Variants in SLC12A9 observed in about 807,000 individuals in gnomAD.
The protein encoded by SLC12A9 is solute carrier family 12 member 9, also known as CCC-interacting protein 1.
Under a neutral mutation model 66.0 loss-of-function variants are expected in SLC12A9, and 55 were observed. The observed-to-expected ratio is 0.83, with a 90% CI of 0.67 to 1.04. The LOEUF is 1.04. Ranked by LOEUF, SLC12A9 falls within the 50% of genes least tolerant of loss-of-function variation. The pLI is 0.00. For missense variants in SLC12A9, 1,061 were observed against 1,241.9 expected (o/e 0.85, Z 2.19); for synonymous variants, 577 against 569.0 (o/e 1.01, Z -0.20).
rs755173907 is a variant in SLC12A9 at position 100,856,991 on chromosome 7, G to A, written c.572G>A (p.Arg191Gln). 7 of 1,613,958 alleles carry A rather than the reference G, an allele frequency of 4.3e-6. No individual in the cohort carries two copies. Among genetic ancestry groups the A allele is most frequent in the Non-Finnish European group, 5.9e-6 (7 of 1,180,040 alleles). ...VCTLGAGLYA[R>Q]ASFLTFLLVS... Reference sequence around the variant, plus strand: ...ACCCTGGGAGCCGGCCTCTATGCCCGGGCCTCATTCCTCACATTCCTGCTG... The same window carrying A: ...ACCCTGGGAGCCGGCCTCTATGCCCAGGCCTCATTCCTCACATTCCTGCTG... The change falls in exon 5 of 14, where the codon CGG (arginine) becomes CAG (glutamine). Residue 191 changes from arginine (R) to glutamine (Q), a missense_variant. Physicochemically the swap from Arg to Gln is conservative, Grantham distance 43. Transcript: ENST00000354161.
chr7:100,837,111 A>C (rs1408598289), intron 1 of SLC12A9, among the ~76,000 whole-genome samples: 1 of 151,986 alleles, frequency 6.6e-6, no homozygotes, highest in Non-Finnish European at 1.5e-5. Context: ...ATATCTATAC[A>C]CCATTTTTAA....
chr7:100,834,826 C>T (rs1423114824), intron 1 of SLC12A9, among the ~76,000 whole-genome samples: 3 of 152,064 alleles, frequency 2.0e-5, no homozygotes, highest in Non-Finnish European at 4.4e-5. Flanking sequence ...TGAGATTGCA[C>T]CACTGCATTC....
rs1815126611 is a variant in SLC12A9, at chr7:100,866,834, A to G, written c.*229A>G. On this transcript the variant is annotated 3_prime_UTR_variant, in exon 14 of 14. Coordinates refer to ENST00000354161, the MANE Select transcript of SLC12A9 (RefSeq NM_020246.4). The surrounding 1 kb of genome is among the most constrained non-coding windows in gnomAD (Gnocchi z 7.3). ...GCTGTCCCCACCGTGCAGGGGAGGG[A>G]GTCCGCAGCCTCCCTTCACTGGTGC... is the stretch of plus-strand genomic sequence containing the variant. The G allele has an allele frequency of 2.2e-6, 1 of 447,318 alleles. No individual in the cohort carries two copies. Among genetic ancestry groups the G allele is most frequent in the African/African-American group, 2.0e-5 (1 of 49,014 alleles). The allele number at this position is 447,318 out of a possible 1,614,324, so 27.7% of individuals were successfully genotyped here.
Position 100,866,701 on chromosome 7 carries a change from C to A in SLC12A9, c.*96C>A. On this transcript the variant is annotated 3_prime_UTR_variant, in exon 14 of 14. Coordinates refer to ENST00000354161, the MANE Select transcript of SLC12A9 (RefSeq NM_020246.4). The surrounding 1 kb of genome is among the most constrained non-coding windows in gnomAD (Gnocchi z 7.3). ...AAGAGGAGGCCACTGTGGCCCGTGG[C>A]CCTGCCCTTGGGACGTGGAGCCCAG... 7.6e-7 allele frequency: 1 copy of A among 1,324,136 alleles called. No homozygotes were observed. The highest frequency in any genetic ancestry group is 9.9e-7 in the Non-Finnish European group (1 of 1,006,654). 82.0% of individuals were successfully genotyped at this position (1,324,136 alleles called of 1,614,324 possible). A position where few individuals can be genotyped will look rare whatever the true frequency, so the allele number is the denominator to read the frequency against.
chr7:100,865,173 G>T (rs960695137), intron 13 of SLC12A9: 2 of 1,266,502 alleles, frequency 1.6e-6, no homozygotes, highest in East Asian at 2.5e-5. Context: ...GGCCAGGCTG[G>T]TCTCAAACTC....
Position 100,859,139 on chromosome 7 carries a change from C to A in SLC12A9, c.955C>A (p.Leu319Ile). The A allele has an allele frequency of 6.2e-7, 1 of 1,614,070 alleles. No homozygotes were observed. Among genetic ancestry groups the A allele is most frequent in the Non-Finnish European group, 8.5e-7 (1 of 1,180,006 alleles). Residue 319 changes from leucine (L) to isoleucine (I), a missense_variant, in exon 7 of 14, where the codon CTC becomes ATC. By Grantham distance (5) the Leu-to-Ile change is conservative. Coordinates refer to ENST00000354161, the MANE Select transcript of SLC12A9 (RefSeq NM_020246.4). ...CTTCGTCTATGTCCTGCTTTTCTTT[C>A]TCTCCAGCTTCACTTGTGACAGGTG... is the stretch of plus-strand genomic sequence containing the variant. ...TFFVYVLLFF[L>I]SSFTCDRTLL... is the part of the protein sequence containing the mutation.
At chr7:100,827,135 T>A in intron 1 of SLC12A9, 1 of 1,273,548 alleles carries the variant, frequency 7.9e-7, no homozygotes, top group Non-Finnish European at 1.1e-6. Flanking sequence ...CGCGCGGGAC[T>A]CCTCGTCGGG....
At chr7:100,835,743 C>G (rs1408832613) in intron 1 of SLC12A9, among the ~76,000 whole-genome samples, 1 of 152,240 alleles carries the variant, frequency 6.6e-6, no homozygotes, top group Non-Finnish European at 1.5e-5. Context: ...ATCCTGCTCC[C>G]CTCCCTAGTG....
Position 100,866,473 on chromosome 7 carries a change from G to A in SLC12A9, c.2613G>A (p.Leu871=). ...AEGPITALTF[L]YLPRPPADPA... ...GCCCCATCACAGCCCTCACCTTCCT[G>A]TACTTGCCTCGGCCGCCAGCCGATC... The change falls in exon 14 of 14, where the codon CTG becomes CTA. Residue 871 remains leucine (L), a synonymous_variant. Transcript: ENST00000354161. This position sits in a 1 kb window ranked among gnomAD's most constrained non-coding sequence, Gnocchi z 7.3. 3.9e-6 allele frequency: 6 copies of A among 1,551,770 alleles called. No individual in the cohort carries two copies. The highest frequency in any genetic ancestry group is 1.2e-5 in the South Asian group (1 of 84,208).
At chr7:100,827,163 A>C in intron 1 of SLC12A9, 8 of 896,812 alleles carry the variant, frequency 8.9e-6, no homozygotes, top group African/African-American at 1.8e-5. Context: ...GCGCGGGCCC[A>C]TGCGAGCGTG....
upstream of SLC12A9, among the ~76,000 whole-genome samples, chr7:100,849,542 C>T (rs907298521): frequency 6.6e-6 from 1 of 151,800 alleles, no homozygotes; most frequent in African/African-American, 2.4e-5. Context: ...ATGGTGAAAC[C>T]CTGTCTCTGC....
upstream of SLC12A9, among the ~76,000 whole-genome samples, chr7:100,848,669 G>T (rs959129656): frequency 3.3e-5 from 5 of 151,862 alleles, no homozygotes; most frequent in African/African-American, 4.8e-5. Flanking sequence ...GGCGGATCAC[G>T]AGGTCAGGAG....
chr7:100,839,886 C>CA (rs1265243738), intron 1 of SLC12A9, among the ~76,000 whole-genome samples: 2 of 148,520 alleles, frequency 1.3e-5, no homozygotes, highest in Non-Finnish European at 3.0e-5. Flanking sequence ...ACTAAAAATA[C>CA]AAAAAAATTA....
intron 1 of SLC12A9, among the ~76,000 whole-genome samples, chr7:100,828,490 A>T (rs576710563): frequency 7.3e-6 from 1 of 137,896 alleles, no homozygotes. Flanking sequence ...GGTTGCAGTG[A>T]GCTGGGAGCT....
chr7:100,848,233 G>A (rs758472139), upstream of SLC12A9, among the ~76,000 whole-genome samples: 10 of 151,886 alleles, frequency 6.6e-5, no homozygotes, highest in African/African-American at 9.7e-5. Context: ...GGCCGGGTGC[G>A]GTGGCTCATG....
chr7:100,854,339 G>T lies in SLC12A9; in HGVS notation c.142G>T (p.Val48Phe), dbSNP rs1206471778. 1.2e-6 allele frequency: 2 copies of T among 1,613,422 alleles called. No homozygotes were observed. Among genetic ancestry groups the T allele is most frequent in the Admixed American group, 3.3e-5 (2 of 59,790 alleles). The change falls in exon 2 of 14, where the codon GTC becomes TTC. Residue 48 changes from valine to phenylalanine, a missense_variant. By Grantham distance (50) the Val-to-Phe change is conservative. Transcript: ENST00000354161. ...CTTCCTGGGTGTGGTGGTGCCCACTGTCCTGTCCATGTTCAGCATAGTTGT... is the reference window on the plus strand; with the variant it reads ...CTTCCTGGGTGTGGTGGTGCCCACTTTCCTGTCCATGTTCAGCATAGTTGT... ...STFLGVVVPT[V>F]LSMFSIVVFL...
Position 100,827,030 on chromosome 7 carries a change from T to C in SLC12A9, n.211T>C, listed in dbSNP as rs2116474071. 6.3e-7 allele frequency: 1 copy of C among 1,582,044 alleles called. No homozygotes were observed. Among genetic ancestry groups the C allele is most frequent in the Non-Finnish European group, 8.6e-7 (1 of 1,164,626 alleles). On this transcript the variant is annotated non_coding_transcript_exon_variant, in exon 1 of 2. Coordinates refer to the SLC12A9 transcript ENST00000461016. ...CAGCAGAGCAGCACCCGGAGCTCCA[T>C]GGCGCCGCCTCACTCGGGTAGGATC...
chr7:100,860,993 G>A (rs745820342), intron 9 of SLC12A9, 145 bp from the exon 10 acceptor site: 45 of 1,426,422 alleles, frequency 3.2e-5, no homozygotes, highest in South Asian at 1.2e-4. Context: ...CACTTTGGGG[G>A]TGCACTGGCA....
intron 13 of SLC12A9, chr7:100,865,427 C>T: frequency 6.5e-7 from 1 of 1,536,168 alleles, no homozygotes; most frequent in Non-Finnish European, 8.7e-7. Context: ...CAGCATCCTC[C>T]TCTCCATAGA....
Sources: gnomAD v4.1 joint callset for allele counts (sites outside exome capture counted in the v4.1 genomes callset) on GRCh38, gnomAD v4.1.1 for gene constraint, Gnocchi (gnomAD v3.1) non-coding constraint, MANE v1.5 for transcripts, NCBI Gene and HGNC (gene_info 2026-07-23, HGNC 2026-07-21) for gene names.